PPP2R5C: variants seen among roughly 807,000 people sequenced by gnomAD.
PPP2R5C encodes protein phosphatase 2 regulatory subunit B'gamma, also known as serine/threonine-protein phosphatase 2A 56 kDa regulatory subunit gamma isoform.
Under a neutral mutation model 68.9 loss-of-function variants are expected in PPP2R5C, and 7 were observed. The observed-to-expected ratio is 0.10, with a 90% CI of 0.06 to 0.19. PPP2R5C has a LOEUF of 0.19. Ranked by LOEUF, PPP2R5C falls within the 10% of genes least tolerant of loss-of-function variation. The pLI is 1.00. For synonymous variants in PPP2R5C, 210 were observed against 222.2 expected (o/e 0.95, Z 0.49); for missense variants, 348 against 641.3 (o/e 0.54, Z 4.94).
chr14:101,855,670 G>A (rs2042379888), intron 1 of PPP2R5C, among the ~76,000 whole-genome samples: 1 of 152,204 alleles, frequency 6.6e-6, no homozygotes, highest in Admixed American at 6.5e-5. Flanking sequence ...ATTTCAGTAT[G>A]TATGTCAGTC....
At chr14:101,796,899 T>TAAA in intron 3 of PPP2R5C, 1 of 269,314 alleles carries the variant, frequency 3.7e-6, no homozygotes, top group Non-Finnish European at 7.4e-6. Flanking sequence ...CGTCCTTATC[T>TAAA]AAAAAAAAAA....
At chr14:101,871,652 AT>A (rs1435982167) in intron 2 of PPP2R5C, among the ~76,000 whole-genome samples, 1 of 150,304 alleles carries the variant, frequency 6.7e-6, no homozygotes, top group African/African-American at 2.5e-5. Context: ...CCACCTTCCT[AT>A]TTTTTTTCTA....
chr14:101,872,224 T>TTTTTC (rs1331627191), intron 2 of PPP2R5C, among the ~76,000 whole-genome samples: 2 of 141,584 alleles, frequency 1.4e-5, no homozygotes, highest in African/African-American at 5.4e-5. Flanking sequence ...TTTGCCTTTT[T>TTTTTC]TTTTTTTTTT....
intron 2 of PPP2R5C, among the ~76,000 whole-genome samples, chr14:101,771,669 G>T (rs1166724745): frequency 6.6e-6 from 1 of 152,068 alleles, no homozygotes; most frequent in Non-Finnish European, 1.5e-5. Context: ...GGCAGAGGTT[G>T]CAGTGAGCTG....
intron 8 of PPP2R5C, among the ~76,000 whole-genome samples, chr14:101,900,651 T>G (rs1566953410): frequency 6.6e-6 from 1 of 152,264 alleles, no homozygotes; most frequent in African/African-American, 2.4e-5. Context: ...GGATTCACAT[T>G]CAGTATTTTG....
intron 5 of PPP2R5C, among the ~76,000 whole-genome samples, chr14:101,887,424 G>A (rs1318011985): frequency 6.6e-6 from 1 of 152,200 alleles, no homozygotes; most frequent in Non-Finnish European, 1.5e-5. Flanking sequence ...CCATCCTGGA[G>A]CCAGGAGCCA....
chr14:101,841,654 A>T (rs1244563138), intron 1 of PPP2R5C, among the ~76,000 whole-genome samples: 1 of 152,212 alleles, frequency 6.6e-6, no homozygotes, highest in Admixed American at 6.5e-5. Context: ...GTTCTTTTTG[A>T]AACGAAACCT....
chr14:101,886,476 G>A (rs1436439224), intron 5 of PPP2R5C, among the ~76,000 whole-genome samples: 1 of 152,036 alleles, frequency 6.6e-6, no homozygotes. Context: ...GCATGCTTTT[G>A]ATAGTCTTTT....
chr14:101,762,025 C>T, intron 1 of PPP2R5C, 105 bp downstream of exon 1: 7 of 1,077,776 alleles, frequency 6.5e-6, no homozygotes, highest in African/African-American at 1.7e-5. Flanking sequence ...CAGTTCCCCG[C>T]CTGACGCCGC....
chr14:101,874,692 T>G (rs1244146097), intron 2 of PPP2R5C, among the ~76,000 whole-genome samples: 2 of 152,222 alleles, frequency 1.3e-5, no homozygotes, highest in African/African-American at 4.8e-5. Flanking sequence ...TTGAAAAGTT[T>G]AGACTAAATT....
At position 101,855,708 on chromosome 14, in the gene PPP2R5C, TCTC is replaced by T. The variant is rs556961925; in HGVS notation, c.95-974_95-972del. 1.8e-4 allele frequency among the ~76,000 whole-genome samples: 28 copies of T among 152,310 alleles called. No individual in the cohort carries two copies. The East Asian group carries it at 4.6e-3, about 25-fold the overall frequency. Reference sequence around the variant, plus strand: ...TCCCGTTTATTCGTGTCACCACTGATCTCCTCTTCAGCCCAGGGAAGATGTCAC... The same window carrying T: ...TCCCGTTTATTCGTGTCACCACTGATCTCTTCAGCCCAGGGAAGATGTCAC... On this transcript the variant is annotated intron_variant, in intron 1 of 13. Coordinates refer to ENST00000334743, the Ensembl canonical transcript of PPP2R5C.
At chr14:101,893,521 G>A (rs1184917317) in intron 7 of PPP2R5C, among the ~76,000 whole-genome samples, 1 of 152,172 alleles carries the variant, frequency 6.6e-6, no homozygotes, top group Non-Finnish European at 1.5e-5. Flanking sequence ...GGAGGCTGAG[G>A]CGGACAGATC....
In PPP2R5C at chr14:101,905,231, A is replaced by G. The variant is rs1426671182; in HGVS notation, c.1024-1171A>G. Among the ~76,000 whole-genome samples, 4 of 152,354 alleles carry G rather than the reference A, an allele frequency of 2.6e-5. No individual in the cohort carries two copies. In the South Asian group the frequency reaches 6.2e-4, roughly 24 times the overall value. On this transcript the variant is annotated intron_variant, in intron 9 of 13. Transcript: ENST00000334743. ...TAGCCAGGTGCGATGGCGCATGCCT[A>G]TAGTCCCAGCCACTCAGGAGGCTCA...
chr14:101,838,272 G>T (rs78320727), intron 1 of PPP2R5C, among the ~76,000 whole-genome samples: 8,864 of 152,256 alleles, frequency 0.058, 373 homozygotes, highest in East Asian at 0.13. Flanking sequence ...AAAAAGGAGA[G>T]AAATCATAGC....
intron 2 of PPP2R5C, among the ~76,000 whole-genome samples, chr14:101,777,884 C>T (rs754853518): frequency 7.2e-5 from 11 of 152,164 alleles, no homozygotes; most frequent in East Asian, 3.9e-4. Context: ...GCTGTCCTCT[C>T]GCCTCAGCTT....
rs2046774018 is a variant in PPP2R5C, at chr14:101,917,883, C to G, written c.1379C>G (p.Thr460Arg). 3 of 1,613,794 alleles carry G rather than the reference C, an allele frequency of 1.9e-6. No individual in the cohort carries two copies. The highest frequency in any genetic ancestry group is 2.5e-6 in the Non-Finnish European group (3 of 1,179,790). The change falls in exon 13 of 14, where the codon ACA (threonine) becomes AGA (arginine). Residue 460 changes from threonine (T) to arginine (R), a missense_variant. This residue lies in a region of PPP2R5C where 118 missense variants were observed against 108.9 expected (regional missense o/e 1.08). Transcript: ENST00000334743. This position sits in a 1 kb window ranked among gnomAD's most constrained non-coding sequence, Gnocchi z 4.4. ...ATGAGCATTCCGGTTGCAATGGAGA[C>G]AGATGGGCCTTTATTTGAAGATGTG...
intron 11 of PPP2R5C, among the ~76,000 whole-genome samples, chr14:101,910,656 C>A (rs1046396949): frequency 4.0e-5 from 6 of 151,774 alleles, no homozygotes; most frequent in African/African-American, 1.2e-4. Context: ...CACGGTGAAA[C>A]CCCATCTCTA....
At chr14:101,904,543 G>A (rs1312220315) in intron 9 of PPP2R5C, among the ~76,000 whole-genome samples, 3 of 152,104 alleles carry the variant, frequency 2.0e-5, no homozygotes, top group Non-Finnish European at 4.4e-5. Flanking sequence ...TTGAATCCAC[G>A]CCGCACTCTC....
chr14:101,846,879 C>G (rs1224919705), intron 1 of PPP2R5C, among the ~76,000 whole-genome samples: 1 of 152,234 alleles, frequency 6.6e-6, no homozygotes, highest in East Asian at 1.9e-4. Context: ...TAAAAATCCT[C>G]TGATTCAAAT....
Sources: gnomAD v4.1 joint callset for allele counts (sites outside exome capture counted in the v4.1 genomes callset) on GRCh38, gnomAD v4.1.1 for gene constraint, gnomAD v4.1.1 regional missense constraint, Gnocchi (gnomAD v3.1) non-coding constraint, MANE v1.5 for transcripts, NCBI Gene and HGNC (gene_info 2026-07-23, HGNC 2026-07-21) for gene names.